Variants in PXDNL observed in about 807,000 individuals in gnomAD.
PXDNL encodes peroxidasin like.
A neutral mutation model predicts 150.8 loss-of-function variants in PXDNL; 145 were observed. That is an observed-to-expected ratio of 0.96 (90% confidence interval 0.84 to 1.10). The LOEUF (loss-of-function observed/expected upper bound fraction) is 1.10, where lower values mean the gene tolerates loss of function less well. Among genes scored for constraint, PXDNL ranks in the 50% least tolerant of loss-of-function variants. PXDNL has a pLI of 0.00. For synonymous variants in PXDNL, 757 were observed against 725.7 expected, an observed-to-expected ratio of 1.04 and a Z score of -0.69; for missense variants, 2,087 against 1,873.9, an observed-to-expected ratio of 1.11 and a Z score of -2.10.
chr8:51,528,061 A>T (rs948778990), intron 4 of PXDNL, among the ~76,000 whole-genome samples: 8 of 152,172 alleles, frequency 5.3e-5, no homozygotes, highest in Non-Finnish European at 5.9e-5. Flanking sequence ...ATCAGAATTA[A>T]TCAGAGGGCC....
At chr8:51,650,303 C>A (rs192171781) in intron 2 of PXDNL, among the ~76,000 whole-genome samples, 2 of 152,132 alleles carry the variant, frequency 1.3e-5, no homozygotes, top group East Asian at 3.9e-4. Context: ...ATTTTAAAGT[C>A]AACTATTTAC....
chr8:51,614,519 A>T (rs1414301902), intron 2 of PXDNL, among the ~76,000 whole-genome samples: 1 of 152,180 alleles, frequency 6.6e-6, no homozygotes, highest in Non-Finnish European at 1.5e-5. Flanking sequence ...GCAGCACCTG[A>T]ATCACTCTGA....
chr8:51,658,333 C>T (rs1290732214), intron 1 of PXDNL, among the ~76,000 whole-genome samples: 1 of 122,594 alleles, frequency 8.2e-6, no homozygotes, highest in Middle Eastern at 6.8e-3. Flanking sequence ...CAGAGTAAGA[C>T]CCTGTCTCAA....
intron 19 of PXDNL, among the ~76,000 whole-genome samples, chr8:51,369,988 C>T (rs771142832): frequency 5.3e-5 from 8 of 152,188 alleles, no homozygotes; most frequent in Non-Finnish European, 1.2e-4. Context: ...TGGGGGCCTG[C>T]TCACTGTCTC....
At chr8:51,775,193 G>A (rs984629075) in intron 1 of PXDNL, among the ~76,000 whole-genome samples, 69 of 152,198 alleles carry the variant, frequency 4.5e-4, no homozygotes, top group African/African-American at 1.6e-3. Context: ...TTTATAGGCT[G>A]ATCTGATTAC....
At chr8:51,396,622 T>A (rs1319586726) in intron 17 of PXDNL, among the ~76,000 whole-genome samples, 4 of 152,126 alleles carry the variant, frequency 2.6e-5, no homozygotes, top group Non-Finnish European at 5.9e-5. Flanking sequence ...CCGGGCATAG[T>A]GGTGCATGCC....
At chr8:51,365,313 T>A (rs1806880353) in intron 19 of PXDNL, among the ~76,000 whole-genome samples, 1 of 152,242 alleles carries the variant, frequency 6.6e-6, no homozygotes, top group Non-Finnish European at 1.5e-5. Flanking sequence ...ACTTAGTGAT[T>A]AACAGAGAAG....
At chr8:51,436,244 G>C (rs2129843499) in intron 12 of PXDNL, 1 of 516,408 alleles carries the variant, frequency 1.9e-6, no homozygotes, top group Admixed American at 2.0e-5. Flanking sequence ...TTGGATAATA[G>C]GATATGGTTT....
chr8:51,368,375 A>T (rs1475455094), intron 19 of PXDNL, among the ~76,000 whole-genome samples: 1 of 152,204 alleles, frequency 6.6e-6, no homozygotes, highest in African/African-American at 2.4e-5. Flanking sequence ...CATTTATATT[A>T]TCACTGTTTA....
At chr8:51,324,957 C>T (rs1585999872) in intron 21 of PXDNL, among the ~76,000 whole-genome samples, 1 of 152,092 alleles carries the variant, frequency 6.6e-6, no homozygotes, top group African/African-American at 2.4e-5. Flanking sequence ...GTGGTGTGAT[C>T]TTGGCTCCCT....
chr8:51,611,454 T>A (rs1203983134), intron 2 of PXDNL, among the ~76,000 whole-genome samples: 2 of 152,236 alleles, frequency 1.3e-5, no homozygotes, highest in Non-Finnish European at 2.9e-5. Flanking sequence ...TGATAAATGT[T>A]TAAATATAGT....
chr8:51,378,792 C>T (rs182520154), intron 17 of PXDNL, among the ~76,000 whole-genome samples: 2 of 149,562 alleles, frequency 1.3e-5, no homozygotes, highest in East Asian at 1.9e-4. Flanking sequence ...CGAAGGTCTG[C>T]AGCTTCACTC....
intron 1 of PXDNL, among the ~76,000 whole-genome samples, chr8:51,800,505 G>A (rs7012360): frequency 0.71 from 108,304 of 152,070 alleles, 43,477 homozygotes; most frequent in Non-Finnish European, 0.9. Flanking sequence ...AACAAGCACA[G>A]GCAGACTCAG....
At chr8:51,547,047 A>T (rs1224182037) in intron 4 of PXDNL, among the ~76,000 whole-genome samples, 1 of 152,098 alleles carries the variant, frequency 6.6e-6, no homozygotes, top group East Asian at 1.9e-4. Context: ...CCCCCACCTG[A>T]TGGTTTTCTC....
intron 4 of PXDNL, among the ~76,000 whole-genome samples, chr8:51,519,071 A>G (rs1405319899): frequency 6.6e-6 from 1 of 152,246 alleles, no homozygotes; most frequent in African/African-American, 2.4e-5. Context: ...AAGTACTGAC[A>G]TAAGATGGAT....
chr8:51,532,929 G>T (rs1811937005), intron 4 of PXDNL, among the ~76,000 whole-genome samples: 1 of 152,042 alleles, frequency 6.6e-6, no homozygotes, highest in Non-Finnish European at 1.5e-5. Context: ...TTTTGATTAA[G>T]CCACAACTCT....
chr8:51,567,518 C>T (rs1174644161), intron 3 of PXDNL, among the ~76,000 whole-genome samples: 1 of 151,832 alleles, frequency 6.6e-6, no homozygotes, highest in East Asian at 1.9e-4. Flanking sequence ...ACATAATACT[C>T]TCTTTATCCC....
chr8:51,762,991 T>C (rs544281853), intron 1 of PXDNL, among the ~76,000 whole-genome samples: 1 of 152,212 alleles, frequency 6.6e-6, no homozygotes, highest in Admixed American at 6.5e-5. Context: ...AATTCAGTGG[T>C]TTCTAGCATA....
chr8:51,747,796 CT>C (rs1312947140), intron 1 of PXDNL, among the ~76,000 whole-genome samples: 2 of 152,160 alleles, frequency 1.3e-5, no homozygotes, highest in African/African-American at 4.8e-5. Flanking sequence ...TGAATTCAAC[CT>C]GGTCATTGAA....
Sources: allele counts gnomAD v4.1 joint callset (sites outside exome capture counted in the v4.1 genomes callset), GRCh38; gene constraint gnomAD v4.1.1; transcripts MANE v1.5; gene names NCBI Gene and HGNC (gene_info 2026-07-23, HGNC 2026-07-21).